Variants in SHB observed in about 807,000 individuals in gnomAD.
The protein encoded by SHB is SH2 domain containing adaptor protein B.
In SHB, 20 loss-of-function variants were observed where a neutral mutation model predicts 52.3. The observed-to-expected ratio is 0.38, with a 90% CI of 0.27 to 0.56. The LOEUF is 0.56. Among genes scored for constraint, SHB ranks in the 20% least tolerant of loss-of-function variants. The pLI, the probability that SHB is intolerant of heterozygous loss-of-function variation, is 0.71. For synonymous variants in SHB, 397 were observed against 316.5 expected (o/e 1.25, Z -2.70); for missense variants, 825 against 723.3 (o/e 1.14, Z -1.61).
chr9:38,062,086 A>C (rs1821900636), intron 1 of SHB, among the ~76,000 whole-genome samples: 1 of 152,236 alleles, frequency 6.6e-6, no homozygotes, highest in South Asian at 2.1e-4. Flanking sequence ...AGAGGGATGC[A>C]AGAAGAGTAG....
chr9:37,938,287 C>A (rs961429199), intron 5 of SHB, among the ~76,000 whole-genome samples: 4 of 152,150 alleles, frequency 2.6e-5, no homozygotes, highest in Non-Finnish European at 4.4e-5. Flanking sequence ...AGGCTGTAAT[C>A]CCCGGGCTCC....
At chr9:37,964,191 C>T (rs1431190691) in intron 3 of SHB, among the ~76,000 whole-genome samples, 3 of 152,216 alleles carry the variant, frequency 2.0e-5, no homozygotes, top group Admixed American at 2.0e-4. Flanking sequence ...CATTGTGCTG[C>T]CACTCATGAT....
rs947100865 is a variant in SHB, at chr9:38,068,946, C to G, written c.-301G>C. On this transcript the variant is annotated 5_prime_UTR_variant, in exon 1 of 6. Coordinates refer to ENST00000377707, the MANE Select transcript of SHB (RefSeq NM_003028.3). ...CCCGGGGGAGAGCGGAAGGTCCGAG[C>G]GCTCCACGCCGCGGACCCTTTGGCC... 1 of 151,748 alleles carries G rather than the reference C, an allele frequency of 6.6e-6. No homozygotes were observed. Among genetic ancestry groups the G allele is most frequent in the Non-Finnish European group, 1.5e-5 (1 of 67,932 alleles). 9.4% of individuals were successfully genotyped at this position (151,748 alleles called of 1,614,324 possible).
rs1053479082 is a variant in SHB, at chr9:37,916,839, G to A, written c.*2982C>T. 2.0e-5 allele frequency among the ~76,000 whole-genome samples: 3 copies of A among 152,162 alleles called. No individual in the cohort carries two copies. Among genetic ancestry groups the A allele is most frequent in the African/African-American group, 7.2e-5 (3 of 41,446 alleles). ...CCAGAAGGGCCCTTGACTCCTCAGC[G>A]CTCAAGGACAGAGTTGCTCAAGTGG... is the stretch of plus-strand genomic sequence containing the variant. On this transcript the variant is annotated 3_prime_UTR_variant, in exon 6 of 6. Coordinates refer to ENST00000377707, the MANE Select transcript of SHB (RefSeq NM_003028.3).
At chr9:38,004,011 C>T (rs1821050328) in intron 2 of SHB, among the ~76,000 whole-genome samples, 1 of 152,190 alleles carries the variant, frequency 6.6e-6, no homozygotes, top group African/African-American at 2.4e-5. Flanking sequence ...ATGTGCTTCC[C>T]TCAGCCCAGG....
At chr9:37,998,205 T>A (rs1820973021) in intron 2 of SHB, among the ~76,000 whole-genome samples, 1 of 149,076 alleles carries the variant, frequency 6.7e-6, no homozygotes, top group Non-Finnish European at 1.5e-5. Context: ...GCAGGCAGCT[T>A]GGAGGGAGGA....
intron 5 of SHB, among the ~76,000 whole-genome samples, chr9:37,925,474 C>G (rs1315634205): frequency 6.6e-6 from 1 of 152,206 alleles, no homozygotes; most frequent in East Asian, 1.9e-4. Context: ...GAAGAATGCA[C>G]CAGAGCCCTC....
At chr9:37,974,578 C>T (rs780539327) in intron 3 of SHB, 44 bp downstream of exon 3, 38 of 1,546,242 alleles carry the variant, frequency 2.5e-5, no homozygotes, top group Admixed American at 1.4e-4. Flanking sequence ...GAGTGCTGAG[C>T]GCAGCTCAGC....
At chr9:38,049,003 T>C (rs1821698356) in intron 1 of SHB, among the ~76,000 whole-genome samples, 1 of 152,160 alleles carries the variant, frequency 6.6e-6, no homozygotes, top group African/African-American at 2.4e-5. Flanking sequence ...TCAGCTCATC[T>C]CAAGACAGAA....
chr9:38,016,209 C>T lies in SHB; in HGVS notation c.718-78G>A, dbSNP rs1278076764. On this transcript the variant is annotated intron_variant, in intron 1 of 5. Coordinates refer to ENST00000377707, the MANE Select transcript of SHB (RefSeq NM_003028.3). Reference sequence around the variant, plus strand: ...CATCTCTTCACAGCTAGGCTTTGGGCCTCAGCTAGATGAGCAAGGAGAGGC... The same window carrying T: ...CATCTCTTCACAGCTAGGCTTTGGGTCTCAGCTAGATGAGCAAGGAGAGGC... 2.6e-6 allele frequency: 4 copies of T among 1,520,332 alleles called. No individual in the cohort carries two copies. In the Admixed American group the frequency reaches 5.5e-5, roughly 21 times the overall value. 94.2% of individuals were successfully genotyped at this position (1,520,332 alleles called of 1,614,324 possible).
chr9:38,000,012 C>G (rs1395941150), intron 2 of SHB, among the ~76,000 whole-genome samples: 7 of 152,242 alleles, frequency 4.6e-5, no homozygotes, highest in African/African-American at 1.4e-4. Flanking sequence ...ACAAGAAGAG[C>G]CACGAGGCTG....
At chr9:37,938,895 T>C (rs913428669) in intron 5 of SHB, among the ~76,000 whole-genome samples, 28 of 152,150 alleles carry the variant, frequency 1.8e-4, no homozygotes, top group Non-Finnish European at 3.7e-4. Flanking sequence ...TTAGGCAGCA[T>C]TGGGAAGGGG....
intron 1 of SHB, among the ~76,000 whole-genome samples, chr9:38,026,037 GT>G (rs1274192152): frequency 6.6e-6 from 1 of 152,254 alleles, no homozygotes. Context: ...GGCACAGCCT[GT>G]TGGTCCCCCA....
chr9:37,974,476 C>T (rs1269243425), intron 3 of SHB, 146 bp downstream of exon 3: 6 of 684,508 alleles, frequency 8.8e-6, no homozygotes, highest in African/African-American at 7.3e-5. Context: ...CCTCTGCAGC[C>T]TACATCTGTG....
At chr9:37,935,663 C>T (rs1319646541) in intron 5 of SHB, among the ~76,000 whole-genome samples, 1 of 152,108 alleles carries the variant, frequency 6.6e-6, no homozygotes, top group Non-Finnish European at 1.5e-5. Context: ...CTATTACTCT[C>T]CCCATTGTAC....
In SHB at chr9:38,009,848, G is replaced by A. The variant is rs544386043; in HGVS notation, c.838+6163C>T. ...AAATGACTTTAATTTCCTCTTATTAGGCTATAAAGTTGATTTAATAATAAA... is the reference window on the plus strand; with the variant it reads ...AAATGACTTTAATTTCCTCTTATTAAGCTATAAAGTTGATTTAATAATAAA... On this transcript the variant is annotated intron_variant, in intron 2 of 5. Coordinates refer to ENST00000377707, the MANE Select transcript of SHB (RefSeq NM_003028.3). Among the ~76,000 whole-genome samples the A allele has an allele frequency of 2.0e-5, 3 of 152,278 alleles. No individual in the cohort carries two copies. In the East Asian group the frequency reaches 5.8e-4, roughly 29 times the overall value.
chr9:37,962,091 C>T (rs918570652), intron 3 of SHB, among the ~76,000 whole-genome samples: 1 of 152,190 alleles, frequency 6.6e-6, no homozygotes, highest in Non-Finnish European at 1.5e-5. Flanking sequence ...CTTCTTTGAG[C>T]CTTAGCTGCC....
At chr9:38,010,524 C>T (rs941935313) in intron 2 of SHB, among the ~76,000 whole-genome samples, 12 of 152,220 alleles carry the variant, frequency 7.9e-5, no homozygotes, top group African/African-American at 2.4e-4. Flanking sequence ...CAAGGGCCCA[C>T]CTCTATGCTT....
chr9:38,028,927 C>T (rs1398999556), intron 1 of SHB, among the ~76,000 whole-genome samples: 1 of 152,174 alleles, frequency 6.6e-6, no homozygotes, highest in Non-Finnish European at 1.5e-5. Context: ...GGTGAGGGGG[C>T]ACCTTGCCTG....
Sources: gnomAD v4.1 joint callset for allele counts (sites outside exome capture counted in the v4.1 genomes callset) on GRCh38, gnomAD v4.1.1 for gene constraint, MANE v1.5 for transcripts, NCBI Gene and HGNC (gene_info 2026-07-23, HGNC 2026-07-21) for gene names.